DNAH7: variants seen among roughly 807,000 people sequenced by gnomAD.
The protein encoded by DNAH7 is axonemal beta dynein heavy chain 7.
A neutral mutation model predicts 444.6 loss-of-function variants in DNAH7; 397 were observed. That is an observed-to-expected ratio of 0.89 (90% CI 0.82 to 0.97). DNAH7 has a LOEUF of 0.97. DNAH7 is among the 50% of genes least tolerant of loss of function. The pLI is 0.00. For synonymous variants in DNAH7, 1,636 were observed against 1,624.4 expected (o/e 1.01, Z -0.17); for missense variants, 4,902 against 4,800.8 (o/e 1.02, Z -0.62).
At position 195,783,788 on chromosome 2, in the gene DNAH7, T is replaced by C. The variant is rs79757911; in HGVS notation, c.10878+3222A>G. ...ACTCTCCATTCTGTTGTAAGAGTGA[T>C]CTTCCTAAAAGGCAAAAATAGTCTC... On this transcript the variant is annotated intron_variant, in intron 58 of 64. Transcript: ENST00000312428. Among the ~76,000 whole-genome samples the C allele has an allele frequency of 1.1e-3, 168 of 152,290 alleles. 1 individual carries two copies. The East Asian group carries it at 0.031, about 28-fold the overall frequency.
intron 19 of DNAH7, among the ~76,000 whole-genome samples, chr2:195,947,256 A>G (rs1689877555): frequency 6.6e-6 from 1 of 151,736 alleles, no homozygotes. Context: ...TTGGCCTCCC[A>G]AAGTGCTGGA....
chr2:195,865,401 G>A (rs1235929806), intron 40 of DNAH7, among the ~76,000 whole-genome samples: 1 of 152,116 alleles, frequency 6.6e-6, no homozygotes, highest in East Asian at 1.9e-4. Flanking sequence ...TTCCAGTGAT[G>A]TTTCCTTTTT....
intron 4 of DNAH7, among the ~76,000 whole-genome samples, chr2:196,047,817 C>T (rs1337232646): frequency 2.0e-5 from 3 of 151,662 alleles, no homozygotes; most frequent in Non-Finnish European, 2.9e-5. Flanking sequence ...GGATACAAAA[C>T]TATTTGAGAA....
At chr2:195,806,050 T>C (rs1696692475) in intron 54 of DNAH7, among the ~76,000 whole-genome samples, 1 of 152,086 alleles carries the variant, frequency 6.6e-6, no homozygotes, top group Non-Finnish European at 1.5e-5. Flanking sequence ...TTAATTTGAG[T>C]GGTAATAATG....
chr2:195,938,344 TCA>T (rs68056425), intron 19 of DNAH7, among the ~76,000 whole-genome samples: 6,666 of 133,778 alleles, frequency 0.05, 124 homozygotes, highest in Non-Finnish European at 0.056. Flanking sequence ...AAATAGACAT[TCA>T]CACACACACA....
chr2:195,868,485 G>C (rs2125111479), intron 40 of DNAH7, among the ~76,000 whole-genome samples: 1 of 150,730 alleles, frequency 6.6e-6, no homozygotes, highest in Non-Finnish European at 1.5e-5. Context: ...GTCCTTATTG[G>C]CCATTTGTAT....
intron 58 of DNAH7, among the ~76,000 whole-genome samples, chr2:195,781,264 G>A (rs1431184033): frequency 6.6e-6 from 1 of 152,152 alleles, no homozygotes; most frequent in Non-Finnish European, 1.5e-5. Flanking sequence ...AATCAAATAA[G>A]TAGTAAATGA....
At chr2:196,022,776 T>C (rs1695457932) in intron 8 of DNAH7, among the ~76,000 whole-genome samples, 1 of 152,230 alleles carries the variant, frequency 6.6e-6, no homozygotes, top group South Asian at 2.1e-4. Context: ...ACAAATTTTC[T>C]TAACGGCACC....
chr2:195,788,137 G>A (rs1369208599), intron 57 of DNAH7, among the ~76,000 whole-genome samples: 1 of 152,194 alleles, frequency 6.6e-6, no homozygotes, highest in Non-Finnish European at 1.5e-5. Context: ...AAGAGCTCAA[G>A]GGTCAGCTTT....
chr2:195,746,937 C>G (rs1693452365), intron 63 of DNAH7, among the ~76,000 whole-genome samples: 2 of 151,764 alleles, frequency 1.3e-5, no homozygotes, highest in Non-Finnish European at 2.9e-5. Context: ...ATTAAAAGAA[C>G]TAGAAAAGCA....
At chr2:195,841,864 T>C (rs1160308105) in intron 47 of DNAH7, among the ~76,000 whole-genome samples, 1 of 152,000 alleles carries the variant, frequency 6.6e-6, no homozygotes, top group Non-Finnish European at 1.5e-5. Flanking sequence ...TAGAGAGGAT[T>C]GTTATTTGGT....
chr2:195,920,705 A>G (rs1183513117), intron 24 of DNAH7, among the ~76,000 whole-genome samples: 3 of 152,214 alleles, frequency 2.0e-5, no homozygotes, highest in Admixed American at 2.0e-4. Context: ...CAACAAAAAC[A>G]AAGATAAATA....
chr2:195,853,347 C>T lies in DNAH7; in HGVS notation c.8777G>A (p.Arg2926Lys), dbSNP rs1253322979. ...AYLGAFTSTY[R>K]QNQTKEWTTL... ...AGATGGAATAGTGTCCCTTACCTGT[C>T]TATAGGTGGATGTGAAGGCTCCGAG... Residue 2926 changes from arginine to lysine, a missense_variant, in exon 46 of 65, where the codon AGA becomes AAA. By Grantham distance (26) the Arg-to-Lys change is conservative. Transcript: ENST00000312428. The T allele has an allele frequency of 6.2e-7, 1 of 1,613,540 alleles. No homozygotes were observed. The highest frequency in any genetic ancestry group is 1.3e-5 in the African/African-American group (1 of 74,868).
chr2:195,905,747 T>A (rs1023609914), intron 27 of DNAH7: 3 of 152,104 alleles, frequency 2.0e-5, no homozygotes, highest in African/African-American at 7.2e-5. Context: ...TTTTTTAAAG[T>A]AAAGTCTGGT....
intron 61 of DNAH7, among the ~76,000 whole-genome samples, chr2:195,768,007 A>G (rs1315765156): frequency 1.3e-5 from 2 of 151,706 alleles, no homozygotes; most frequent in Non-Finnish European, 3.0e-5. Context: ...AAAATATTAC[A>G]TTTAGGTTTT....
intron 15 of DNAH7, among the ~76,000 whole-genome samples, chr2:195,979,704 A>G (rs1692437135): frequency 6.6e-6 from 1 of 152,180 alleles, no homozygotes; most frequent in Admixed American, 6.5e-5. Flanking sequence ...GCTAAACAAC[A>G]TTGACATACC....
chr2:195,967,717 T>A (rs968014055), intron 17 of DNAH7, among the ~76,000 whole-genome samples: 1 of 152,216 alleles, frequency 6.6e-6, no homozygotes, highest in Non-Finnish European at 1.5e-5. Flanking sequence ...CAGTCAGATG[T>A]GTTGGAGCTC....
In DNAH7 at chr2:195,864,324, C is replaced by T. The variant is rs963925571; in HGVS notation, c.7331G>A (p.Arg2444Gln). 8 of 1,613,996 alleles carry T rather than the reference C, an allele frequency of 5.0e-6. No individual in the cohort carries two copies. The highest frequency in any genetic ancestry group is 3.3e-5 in the South Asian group (3 of 91,074). Residue 2444 changes from arginine to glutamine, a missense_variant, in exon 41 of 65, where the codon CGG (arginine) becomes CAG (glutamine). Transcript: ENST00000312428. ...CDKMRQLDRQ[R>Q]DKTKQTDGSP... ...GCCATCTGTTTGCTTGGTTTTATCC[C>T]GCTGGCGATCTAACTGACGCATCTT...
intron 57 of DNAH7, among the ~76,000 whole-genome samples, chr2:195,789,183 A>G (rs920757677): frequency 1.3e-5 from 2 of 151,940 alleles, no homozygotes; most frequent in African/African-American, 4.8e-5. Flanking sequence ...TTTTTTTAAT[A>G]TGGAACCTAT....
Sources: allele counts gnomAD v4.1 joint callset (sites outside exome capture counted in the v4.1 genomes callset), GRCh38; gene constraint gnomAD v4.1.1; transcripts MANE v1.5; gene names NCBI Gene and HGNC (gene_info 2026-07-23, HGNC 2026-07-21).